Variants in C10orf67 observed in about 807,000 individuals in gnomAD.
The protein encoded by C10orf67 is uncharacterized protein C10orf67, mitochondrial.
C10orf67 carries 60 observed loss-of-function variants against 35.6 expected under a neutral mutation model. The ratio of observed to expected loss-of-function variants is 1.68; its 90% CI spans 1.37 to 2.09. The LOEUF (loss-of-function observed/expected upper bound fraction) is 2.09, where lower values mean the gene tolerates loss of function less well. Ranked by LOEUF, C10orf67 falls within the 30% of genes most tolerant of loss-of-function variation. The pLI, the probability that C10orf67 is intolerant of heterozygous loss-of-function variation, is 0.00. For missense variants in C10orf67, 474 were observed against 330.2 expected, an observed-to-expected ratio of 1.44 and a Z score of -3.38; for synonymous variants, 167 against 115.8, an observed-to-expected ratio of 1.44 and a Z score of -2.84.
intron 2 of C10orf67, among the ~76,000 whole-genome samples, chr10:23,328,873 T>G (rs1845300274): frequency 6.7e-6 from 1 of 149,906 alleles, no homozygotes; most frequent in South Asian, 2.1e-4. Context: ...TAGTTCCAGC[T>G]ACTCAAGTGG....
chr10:23,292,258 A>G (rs1057282266), intron 5 of C10orf67, among the ~76,000 whole-genome samples: 5 of 140,460 alleles, frequency 3.6e-5, no homozygotes, highest in Non-Finnish European at 7.5e-5. Flanking sequence ...TTTTATTGCC[A>G]TGCATTAAAA....
chr10:23,218,630 T>A (rs1841496593), intron 15 of C10orf67, among the ~76,000 whole-genome samples: 1 of 152,142 alleles, frequency 6.6e-6, no homozygotes, highest in South Asian at 2.1e-4. Context: ...GAATAATAGG[T>A]AACTGATGGT....
At chr10:23,266,953 C>T (rs556417845) in intron 9 of C10orf67, among the ~76,000 whole-genome samples, 1 of 152,144 alleles carries the variant, frequency 6.6e-6, no homozygotes, top group Non-Finnish European at 1.5e-5. Context: ...CTGTGTTGCG[C>T]AGGCTGGTCT....
At chr10:23,298,118 G>T (rs1843953031) in intron 5 of C10orf67, among the ~76,000 whole-genome samples, 1 of 152,152 alleles carries the variant, frequency 6.6e-6, no homozygotes, top group African/African-American at 2.4e-5. Flanking sequence ...AGCCAGGCGT[G>T]GTGGTGTGCA....
At chr10:23,331,178 G>A (rs1347033277) in intron 2 of C10orf67, among the ~76,000 whole-genome samples, 2 of 83,342 alleles carry the variant, frequency 2.4e-5, no homozygotes, top group African/African-American at 1.0e-4. Context: ...AACCGGGACG[G>A]GGAAGGGAAG....
intron 7 of C10orf67, among the ~76,000 whole-genome samples, chr10:23,284,677 C>G (rs538814248): frequency 6.6e-6 from 1 of 151,632 alleles, no homozygotes; most frequent in African/African-American, 2.4e-5. Context: ...CAAAGCAAGA[C>G]CTTATCTCAA....
intron 4 of C10orf67, among the ~76,000 whole-genome samples, chr10:23,315,084 C>G (rs768143543): frequency 1.3e-5 from 2 of 152,170 alleles, no homozygotes; most frequent in Non-Finnish European, 2.9e-5. Flanking sequence ...ACAAACTGGG[C>G]GGCCAGGATC....
chr10:23,291,622 A>G (rs1247854543), intron 5 of C10orf67, among the ~76,000 whole-genome samples: 3 of 152,180 alleles, frequency 2.0e-5, no homozygotes, highest in Non-Finnish European at 4.4e-5. Flanking sequence ...GTGTGTCTGA[A>G]GTGCTGTCCG....
chr10:23,339,967 G>C (rs1391245090), intron 1 of C10orf67, among the ~76,000 whole-genome samples: 1 of 152,116 alleles, frequency 6.6e-6, no homozygotes, highest in Admixed American at 6.5e-5. Flanking sequence ...TTCCAGTCTA[G>C]AAATGCAATC....
chr10:23,255,161 G>A (rs17543560), intron 10 of C10orf67, among the ~76,000 whole-genome samples: 2,752 of 152,284 alleles, frequency 0.018, 36 homozygotes, highest in Non-Finnish European at 0.028. Context: ...CCTACAATTT[G>A]GAGAGAAGAG....
intron 3 of C10orf67, 150 bp from the exon 4 acceptor site, chr10:23,320,965 A>C (rs1844929876): frequency 1.7e-6 from 1 of 593,462 alleles, no homozygotes; most frequent in South Asian, 2.3e-5. Context: ...CCCACCCTGC[A>C]GCCGTTATGA....
At chr10:23,223,891 C>T in intron 13 of C10orf67, 73 bp from the exon 14 acceptor site, 1 of 698,608 alleles carries the variant, frequency 1.4e-6, no homozygotes, top group Middle Eastern at 3.8e-4. Flanking sequence ...CGTTAATGTT[C>T]TCCAGCCTTT....
At chr10:23,289,711 C>T (rs1303449591) in intron 7 of C10orf67, among the ~76,000 whole-genome samples, 189 bp downstream of exon 7, 3 of 152,200 alleles carry the variant, frequency 2.0e-5, no homozygotes, top group Admixed American at 1.3e-4. Flanking sequence ...AGTATCTATA[C>T]ATCCGTGAGT....
intron 4 of C10orf67, chr10:23,318,540 A>T: frequency 4.8e-6 from 1 of 209,836 alleles, no homozygotes; most frequent in Non-Finnish European, 9.5e-6. Context: ...TTTATCAGCA[A>T]GTCACTAAGG....
chr10:23,331,010 C>A (rs1845425125), intron 2 of C10orf67, among the ~76,000 whole-genome samples: 1 of 88,602 alleles, frequency 1.1e-5, no homozygotes, highest in Non-Finnish European at 2.2e-5. Flanking sequence ...GGGAAGGAAA[C>A]CAGGAAGAAA....
intron 8 of C10orf67, among the ~76,000 whole-genome samples, chr10:23,279,704 T>C (rs1843309459): frequency 6.6e-6 from 1 of 152,160 alleles, no homozygotes; most frequent in Admixed American, 6.5e-5. Context: ...CTAGGAATCA[T>C]GGGAAGATAC....
chr10:23,224,223 T>C (rs1169020127), intron 13 of C10orf67, among the ~76,000 whole-genome samples: 2 of 152,164 alleles, frequency 1.3e-5, no homozygotes, highest in Admixed American at 1.3e-4. Context: ...TGTTCAGCAA[T>C]ATTCACTGTT....
At chr10:23,310,805 T>A (rs1213948664) in intron 4 of C10orf67, among the ~76,000 whole-genome samples, 1 of 152,214 alleles carries the variant, frequency 6.6e-6, no homozygotes, top group African/African-American at 2.4e-5. Flanking sequence ...CAGCACTCCA[T>A]GTTGCCTGCT....
chr10:23,223,473 G>T (rs1841643419), intron 15 of C10orf67, 125 bp downstream of exon 15: 1 of 659,020 alleles, frequency 1.5e-6, no homozygotes, highest in Non-Finnish European at 2.7e-6. Context: ...TTATAAAGTG[G>T]CTGAAAAAAG....
Sources: gnomAD v4.1 joint callset for allele counts (sites outside exome capture counted in the v4.1 genomes callset) on GRCh38, gnomAD v4.1.1 for gene constraint, MANE v1.5 for transcripts, NCBI Gene and HGNC (gene_info 2026-07-23, HGNC 2026-07-21) for gene names.